Variants in CNTNAP2 observed in about 807,000 individuals in gnomAD.
CNTNAP2 encodes the protein contactin-associated protein-like 2.
CNTNAP2 carries 98 observed loss-of-function variants against 155.2 expected under a neutral mutation model. That is an observed-to-expected ratio of 0.63 (90% CI 0.54 to 0.75). The LOEUF (loss-of-function observed/expected upper bound fraction) is 0.75. Among genes scored for constraint, CNTNAP2 ranks in the 30% least tolerant of loss-of-function variants. CNTNAP2 has a pLI of 0.00. For missense variants in CNTNAP2, 1,727 were observed against 1,688.1 expected (o/e 1.02, Z -0.40); for synonymous variants, 651 against 631.2 (o/e 1.03, Z -0.47).
At chr7:146,920,216 C>G (rs1157332432) in intron 3 of CNTNAP2, among the ~76,000 whole-genome samples, 5 of 152,024 alleles carry the variant, frequency 3.3e-5, no homozygotes, top group Admixed American at 2.6e-4. Flanking sequence ...GCGTTCAAGA[C>G]CAGCCTGGGC....
intron 13 of CNTNAP2, among the ~76,000 whole-genome samples, chr7:147,663,143 T>C (rs112288829): frequency 0.05 from 7,602 of 151,718 alleles, 625 homozygotes; most frequent in African/African-American, 0.17. Context: ...GGATTACAGG[T>C]GCCCACAACC....
intron 15 of CNTNAP2, among the ~76,000 whole-genome samples, chr7:148,083,950 T>C (rs759288916): frequency 2.6e-5 from 4 of 152,218 alleles, no homozygotes; most frequent in South Asian, 2.1e-4. Context: ...TTTAAGCCAG[T>C]GCTTTTTAAA....
intron 8 of CNTNAP2, among the ~76,000 whole-genome samples, chr7:147,267,545 C>T (rs2116697684): frequency 9.2e-6 from 1 of 109,128 alleles, no homozygotes; most frequent in East Asian, 2.6e-4. Flanking sequence ...ATTATGCCAA[C>T]CAAGGTTAAC....
At chr7:147,513,833 C>T (rs568249541) in intron 11 of CNTNAP2, among the ~76,000 whole-genome samples, 10 of 152,276 alleles carry the variant, frequency 6.6e-5, no homozygotes, top group East Asian at 1.9e-4. Context: ...AATCTGCACC[C>T]GGGGGATATG....
chr7:146,638,951 A>T (rs2129160697), intron 1 of CNTNAP2, among the ~76,000 whole-genome samples: 1 of 152,304 alleles, frequency 6.6e-6, no homozygotes, highest in African/African-American at 2.4e-5. Context: ...CCTATATAAC[A>T]TACAGCTGTA....
intron 3 of CNTNAP2, among the ~76,000 whole-genome samples, chr7:146,968,138 C>A (rs1234763369): frequency 6.7e-6 from 1 of 150,020 alleles, no homozygotes; most frequent in South Asian, 2.1e-4. Context: ...ATTGAACCAG[C>A]CTTGCATCCC....
At chr7:147,849,205 C>T (rs1275580164) in intron 13 of CNTNAP2, among the ~76,000 whole-genome samples, 3 of 152,156 alleles carry the variant, frequency 2.0e-5, no homozygotes, top group Non-Finnish European at 4.4e-5. Flanking sequence ...TTATGACAAT[C>T]TGCACAGATG....
intron 1 of CNTNAP2, among the ~76,000 whole-genome samples, chr7:146,259,975 G>A (rs1271803055): frequency 6.6e-6 from 1 of 152,160 alleles, no homozygotes; most frequent in African/African-American, 2.4e-5. Context: ...ATAGTTTCCT[G>A]GGCCAAGCCC....
chr7:147,016,101 G>A (rs1197630591), intron 3 of CNTNAP2, among the ~76,000 whole-genome samples: 1 of 152,082 alleles, frequency 6.6e-6, no homozygotes, highest in Non-Finnish European at 1.5e-5. Context: ...TTCTATCTGA[G>A]TTCTAGGAGA....
intron 20 of CNTNAP2, among the ~76,000 whole-genome samples, chr7:148,248,378 T>C (rs566231444): frequency 1.3e-5 from 2 of 152,212 alleles, no homozygotes; most frequent in South Asian, 4.1e-4. Flanking sequence ...TTTGTATTTT[T>C]AGTAGAGATG....
At chr7:147,594,125 CTTTT>C (rs397827040) in intron 12 of CNTNAP2, among the ~76,000 whole-genome samples, 1 of 120,066 alleles carries the variant, frequency 8.3e-6, no homozygotes, top group Non-Finnish European at 1.7e-5. Context: ...TCTGGTGTCT[CTTTT>C]TTTTTTTTTT....
chr7:148,109,532 G>A (rs767857293), intron 15 of CNTNAP2, among the ~76,000 whole-genome samples: 8 of 152,104 alleles, frequency 5.3e-5, no homozygotes, highest in Non-Finnish European at 1.0e-4. Flanking sequence ...TTACAGGCAT[G>A]CACCATCATG....
chr7:146,458,998 G>T (rs1246149990), intron 1 of CNTNAP2, among the ~76,000 whole-genome samples: 8 of 152,010 alleles, frequency 5.3e-5, no homozygotes, highest in Non-Finnish European at 7.4e-5. Context: ...GTCACTTCTT[G>T]TTGGTTATGA....
chr7:148,109,452 T>A (rs1193646939), intron 15 of CNTNAP2, among the ~76,000 whole-genome samples: 1 of 152,130 alleles, frequency 6.6e-6, no homozygotes, highest in Admixed American at 6.5e-5. Context: ...TGGTGCGATC[T>A]CGGCTCACCG....
intron 8 of CNTNAP2, among the ~76,000 whole-genome samples, chr7:147,298,550 G>A (rs1176259519): frequency 4.6e-5 from 7 of 152,134 alleles, no homozygotes; most frequent in African/African-American, 1.4e-4. Context: ...CTACAAACAT[G>A]TGACTATCTT....
intron 3 of CNTNAP2, among the ~76,000 whole-genome samples, chr7:146,886,594 A>T (rs1179952510): frequency 2.6e-5 from 4 of 151,976 alleles, no homozygotes; most frequent in African/African-American, 9.7e-5. Flanking sequence ...ATCTCTCTTT[A>T]AAAATGTTAA....
chr7:148,007,349 G>C lies in CNTNAP2; in HGVS notation c.2383+29360G>C, dbSNP rs577008238. On this transcript the variant is annotated intron_variant, in intron 15 of 23. Coordinates refer to ENST00000361727, the MANE Select transcript of CNTNAP2 (RefSeq NM_014141.6). ...TCTTTAAAGTTCAGATAAATAATTT[G>C]TGCTGCTTATGTAGGAAGTAAGCTA... Among the ~76,000 whole-genome samples, 30 of 152,204 alleles carry C rather than the reference G, an allele frequency of 2.0e-4. No homozygotes were observed. The South Asian group carries it at 6.2e-3, about 32-fold the overall frequency.
At chr7:146,667,554 C>A (rs1800218929) in intron 1 of CNTNAP2, among the ~76,000 whole-genome samples, 2 of 151,650 alleles carry the variant, frequency 1.3e-5, no homozygotes, top group South Asian at 4.2e-4. Flanking sequence ...TCCACAGATT[C>A]TTTTCGATAG....
chr7:147,245,841 A>G (rs1804049520), intron 8 of CNTNAP2, among the ~76,000 whole-genome samples: 1 of 149,536 alleles, frequency 6.7e-6, no homozygotes, highest in African/African-American at 2.5e-5. Context: ...AATTTTGGTC[A>G]TTGTTTGCAT....
Sources: allele counts gnomAD v4.1 joint callset (sites outside exome capture counted in the v4.1 genomes callset), GRCh38; gene constraint gnomAD v4.1.1; transcripts MANE v1.5; gene names NCBI Gene and HGNC (gene_info 2026-07-23, HGNC 2026-07-21).